Variants in FAAH2 observed in about 807,000 individuals in gnomAD.
FAAH2 encodes fatty-acid amide hydrolase 2.
Under a neutral mutation model 36.9 loss-of-function variants are expected in FAAH2, and 60 were observed. The ratio of observed to expected loss-of-function variants is 1.63; its 90% CI spans 1.32 to 2.02. The LOEUF is 2.02. Among genes scored for constraint, FAAH2 ranks in the 30% most tolerant of loss-of-function variants. FAAH2 has a pLI of 0.00. For missense variants in FAAH2, 689 were observed against 397.5 expected (o/e 1.73, Z -6.23); for synonymous variants, 214 against 143.8 (o/e 1.49, Z -3.49).
intron 7 of FAAH2, among the ~76,000 whole-genome samples, chrX:57,385,328 T>TA (rs2054990761): frequency 9.2e-6 from 1 of 108,820 alleles, no homozygotes; most frequent in Non-Finnish European, 1.9e-5. Flanking sequence ...TTGATTGTGG[T>TA]AAAAGATGGC....
At chrX:57,305,744 A>G (rs2052503956) in intron 2 of FAAH2, among the ~76,000 whole-genome samples, 1 of 110,447 alleles carries the variant, frequency 9.1e-6, no homozygotes, top group African/African-American at 3.3e-5. Flanking sequence ...TTTTTACTCC[A>G]CTTGGGTATT....
the FAAH2 span, among the ~76,000 whole-genome samples, chrX:57,246,941 G>A: frequency 9.0e-6 from 1 of 111,478 alleles, no homozygotes; most frequent in East Asian, 2.8e-4. Flanking sequence ...GCTGAAAACA[G>A]CTATGCATAA....
chrX:57,177,577 A>AATATAT, the FAAH2 span, among the ~76,000 whole-genome samples: 210 of 34,734 alleles, frequency 6.0e-3, 6 homozygotes, highest in African/African-American at 0.014. Flanking sequence ...TCAAAATTTA[A>AATATAT]ATATATATAT....
chrX:57,307,501 C>T (rs1309963720), intron 2 of FAAH2, among the ~76,000 whole-genome samples: 1 of 110,890 alleles, frequency 9.0e-6, no homozygotes, highest in Non-Finnish European at 1.9e-5. Context: ...GGGAAATGTG[C>T]AATTTCACAT....
At chrX:57,214,904 A>G in the FAAH2 span, among the ~76,000 whole-genome samples, 28 of 110,809 alleles carry the variant, frequency 2.5e-4, no homozygotes, top group South Asian at 1.9e-3. Context: ...AGTATCTATA[A>G]TACACTATAG....
chrX:57,425,135 G>A (rs1447279140), intron 7 of FAAH2, among the ~76,000 whole-genome samples: 1 of 111,209 alleles, frequency 9.0e-6, no homozygotes, highest in Non-Finnish European at 1.9e-5. Context: ...AAGAATCTCA[G>A]AACTTGAAGA....
At chrX:57,352,163 C>CAT (rs199504409) in intron 5 of FAAH2, among the ~76,000 whole-genome samples, 12 of 82,464 alleles carry the variant, frequency 1.5e-4, no homozygotes, top group East Asian at 7.3e-4. Context: ...TATATATACA[C>CAT]ATATATATAT....
chrX:57,424,121 A>G (rs763152168), intron 7 of FAAH2, among the ~76,000 whole-genome samples: 1 of 112,122 alleles, frequency 8.9e-6, no homozygotes, highest in Non-Finnish European at 1.9e-5. Context: ...GGCATTTGAG[A>G]AAGCCACCAC....
At chrX:57,431,277 T>A (rs1454674482) in intron 7 of FAAH2, among the ~76,000 whole-genome samples, 1 of 111,854 alleles carries the variant, frequency 8.9e-6, no homozygotes, top group East Asian at 2.8e-4. Context: ...GTATGGTGGG[T>A]CCTAACAATG....
chrX:57,366,464 C>A (rs974730589), intron 5 of FAAH2, among the ~76,000 whole-genome samples: 1 of 112,366 alleles, frequency 8.9e-6, no homozygotes, highest in Non-Finnish European at 1.9e-5. Flanking sequence ...CACTAACAGA[C>A]GCTGCTAGCA....
chrX:57,319,946 G>A (rs1306712033), intron 3 of FAAH2, among the ~76,000 whole-genome samples: 1 of 111,521 alleles, frequency 9.0e-6, no homozygotes, highest in African/African-American at 3.3e-5. Flanking sequence ...AATGGTGCTG[G>A]GAGAAATGAC....
intron 7 of FAAH2, among the ~76,000 whole-genome samples, chrX:57,391,352 T>C (rs1436502630): frequency 8.9e-6 from 1 of 111,875 alleles, no homozygotes; most frequent in Non-Finnish European, 1.9e-5. Context: ...TTGTTTTCGT[T>C]GCATTTGCTT....
the FAAH2 span, among the ~76,000 whole-genome samples, chrX:57,239,781 C>T: frequency 9.0e-6 from 1 of 111,091 alleles, no homozygotes; most frequent in Middle Eastern, 4.3e-3. Flanking sequence ...AAGAACTGGC[C>T]TTAAAATCTT....
intron 1 of FAAH2, among the ~76,000 whole-genome samples, chrX:57,289,236 T>A (rs1013079562): frequency 9.0e-6 from 1 of 111,641 alleles, no homozygotes; most frequent in African/African-American, 3.2e-5. Context: ...GTTGGCACTT[T>A]ATGGAAGAGT....
chrX:57,409,903 C>G (rs2055658427), intron 7 of FAAH2, among the ~76,000 whole-genome samples: 1 of 109,245 alleles, frequency 9.2e-6, no homozygotes, highest in South Asian at 3.8e-4. Flanking sequence ...TTATTATTTT[C>G]TTCCTTATGT....
At chrX:57,425,365 C>G (rs1482402946) in intron 7 of FAAH2, among the ~76,000 whole-genome samples, 1 of 111,290 alleles carries the variant, frequency 9.0e-6, no homozygotes, top group Non-Finnish European at 1.9e-5. Flanking sequence ...ACAAGAGACT[C>G]AAGGAATTCT....
At chrX:57,475,109 G>A (rs1332304147) in intron 10 of FAAH2, among the ~76,000 whole-genome samples, 3 of 111,442 alleles carry the variant, frequency 2.7e-5, no homozygotes, top group Non-Finnish European at 3.8e-5. Context: ...TTGTCAGATC[G>A]GTAGCATGCA....
intron 8 of FAAH2, among the ~76,000 whole-genome samples, chrX:57,445,307 G>A (rs1409703080): frequency 9.0e-6 from 1 of 111,410 alleles, no homozygotes; most frequent in Admixed American, 9.6e-5. Context: ...GGGTCACCAG[G>A]TAAAGTAAGT....
chrX:57,231,827 G>A, the FAAH2 span, among the ~76,000 whole-genome samples: 2 of 111,429 alleles, frequency 1.8e-5, no homozygotes, highest in Admixed American at 1.9e-4. Context: ...ATGTCTACTT[G>A]GGTTAGAGTT....
Sources: allele counts gnomAD v4.1 joint callset (sites outside exome capture counted in the v4.1 genomes callset), GRCh38; gene constraint gnomAD v4.1.1; transcripts MANE v1.5; gene names NCBI Gene and HGNC (gene_info 2026-07-23, HGNC 2026-07-21).